ZNF639: variants seen among roughly 807,000 people sequenced by gnomAD.
The protein encoded by ZNF639 is zinc finger protein 639.
Under a neutral mutation model 39.8 loss-of-function variants are expected in ZNF639, and 20 were observed. The observed-to-expected ratio is 0.50, with a 90% CI of 0.35 to 0.73. The LOEUF (loss-of-function observed/expected upper bound fraction) is 0.73, where lower values mean the gene tolerates loss of function less well. ZNF639 is among the 30% of genes least tolerant of loss of function. The pLI is 0.00. For synonymous variants in ZNF639, 176 were observed against 189.8 expected, an observed-to-expected ratio of 0.93 and a Z score of 0.60; for missense variants, 477 against 566.2, an observed-to-expected ratio of 0.84 and a Z score of 1.60.
chr3:179,333,397 C>G lies in ZNF639; in HGVS notation c.433C>G (p.His145Asp). The G allele has an allele frequency of 6.2e-7, 1 of 1,614,108 alleles. No individual in the cohort carries two copies. Among genetic ancestry groups the G allele is most frequent in the Non-Finnish European group, 8.5e-7 (1 of 1,180,022 alleles). The change falls in exon 6 of 6, where the codon CAT becomes GAT. Residue 145 changes from histidine to aspartate, a missense_variant. Physicochemically the swap from His to Asp is moderately conservative, Grantham distance 81. Coordinates refer to ENST00000496856, the MANE Select transcript of ZNF639 (RefSeq NM_001303426.2). Reference sequence around the variant, plus strand: ...AGATGTTCCAATTGCTGTAGAAGTGCATGCGATTTCTGAGGATTATGATAT... The same window carrying G: ...AGATGTTCCAATTGCTGTAGAAGTGGATGCGATTTCTGAGGATTATGATAT... The part of the protein sequence containing the change: ...AEDVPIAVEV[H>D]AISEDYDIET...
chr3:179,328,378 G>A, intron 3 of ZNF639, 27 bp downstream of exon 3: 2 of 1,485,202 alleles, frequency 1.3e-6, no homozygotes, highest in Non-Finnish European at 1.8e-6. Context: ...TTTAAAGTTG[G>A]GTATGGATTA....
chr3:179,330,839 G>C (rs1213202968), intron 4 of ZNF639, among the ~76,000 whole-genome samples: 4 of 152,188 alleles, frequency 2.6e-5, no homozygotes, highest in African/African-American at 9.7e-5. Context: ...AGAGACATCG[G>C]TATGAATTCC....
At chr3:179,326,352 C>T (rs1727592212) in intron 1 of ZNF639, among the ~76,000 whole-genome samples, 1 of 152,068 alleles carries the variant, frequency 6.6e-6, no homozygotes, top group African/African-American at 2.4e-5. Flanking sequence ...CAGAGCAAGA[C>T]TCCGTTTCAA....
chr3:179,323,104 G>C lies in ZNF639; in HGVS notation c.-270G>C, dbSNP rs1727371496. On this transcript the variant is annotated 5_prime_UTR_variant, in exon 1 of 6. Coordinates refer to ENST00000496856, the MANE Select transcript of ZNF639 (RefSeq NM_001303426.2). ...GCGGAGCCTAGGCCAGGGGCCTGGC[G>C]CTCAGGGCGTGGGGCGCGCGGGGAG... The C allele has an allele frequency of 2.0e-6, 2 of 984,756 alleles. No homozygotes were observed. The highest frequency in any genetic ancestry group is 3.5e-5 in the African/African-American group (2 of 57,242). The allele number at this position is 984,756 out of a possible 1,614,324, so 61.0% of individuals were successfully genotyped here.
intron 5 of ZNF639, 48 bp from the exon 6 acceptor site, chr3:179,333,221 A>T (rs371698948): frequency 2.9e-4 from 445 of 1,560,212 alleles, no homozygotes; most frequent in Admixed American, 7.0e-4. Context: ...TGTATTTAAC[A>T]GATCTTATTT....
At chr3:179,323,010 C>T (rs1479916188), upstream of ZNF639, 4 of 985,162 alleles carry the variant, frequency 4.1e-6, no homozygotes, top group South Asian at 9.4e-5. Flanking sequence ...CGTCACCTCC[C>T]CGCCCTCTCG....
Position 179,334,306 on chromosome 3 carries a change from A to G in ZNF639, c.1342A>G (p.Ile448Val). 6.2e-7 allele frequency: 1 copy of G among 1,613,146 alleles called. No homozygotes were observed. Among genetic ancestry groups the G allele is most frequent in the Admixed American group, 1.7e-5 (1 of 59,922 alleles). ...YSTGQIEDLK[I>V]HLDFKHSADL... is the part of the protein sequence containing the mutation. The stretch of plus-strand genomic sequence containing the variant: ...AACAGGACAAATTGAAGATCTTAAA[A>G]TTCATCTAGATTTCAAGCATTCAGC... The change falls in exon 6 of 6, where the codon ATT (isoleucine) becomes GTT (valine). Residue 448 changes from isoleucine (I) to valine (V), a missense_variant. Physicochemically the swap from Ile to Val is conservative, Grantham distance 29. Transcript: ENST00000496856.
Position 179,337,396 on chromosome 3 carries a change from G to C in ZNF639, c.*2974G>C, listed in dbSNP as rs1711574129. 6.6e-6 allele frequency: 1 copy of C among 151,656 alleles called. No homozygotes were observed. Among genetic ancestry groups the C allele is most frequent in the African/African-American group, 2.4e-5 (1 of 41,284 alleles). The allele number at this position is 151,656 out of a possible 1,614,324, so 9.4% of individuals were successfully genotyped here. A position where few individuals can be genotyped will look rare whatever the true frequency, so the allele number is the denominator to read the frequency against. On this transcript the variant is annotated 3_prime_UTR_variant, in exon 6 of 6. Transcript: ENST00000496856. ...CTGTTGCCCAGGCTGGAGTGTAGTG[G>C]CGTGATCTTGGCTCAAGGCAACCTC...
At chr3:179,333,185 A>G (rs1426188552) in intron 5 of ZNF639, 62 bp downstream of exon 5, 5 of 1,560,630 alleles carry the variant, frequency 3.2e-6, no homozygotes, top group African/African-American at 1.4e-5. Context: ...AAAAAAGTGC[A>G]TGCAATAAAT....
At chr3:179,324,519 A>C (rs1727474362) in intron 1 of ZNF639, among the ~76,000 whole-genome samples, 1 of 152,218 alleles carries the variant, frequency 6.6e-6, no homozygotes, top group Admixed American at 6.5e-5. Context: ...AAGTTTTTTC[A>C]AGGCTGTTAT....
At chr3:179,330,292 G>C (rs1035548914) in intron 4 of ZNF639, among the ~76,000 whole-genome samples, 2 of 151,770 alleles carry the variant, frequency 1.3e-5, no homozygotes, top group African/African-American at 4.8e-5. Flanking sequence ...AGGGGGTGGG[G>C]TTAGGGGGAG....
At chr3:179,323,394 C>T (rs951541084) in intron 1 of ZNF639, 103 bp downstream of exon 1, 1 of 985,188 alleles carries the variant, frequency 1.0e-6, no homozygotes, top group African/African-American at 1.7e-5. Flanking sequence ...GAGACCGGAG[C>T]TCCCTTTATA....
In ZNF639 at chr3:179,325,879, C is replaced by T. The variant is rs149053482; in HGVS notation, c.-82-1682C>T. Among the ~76,000 whole-genome samples the T allele has an allele frequency of 2.8e-3, 415 of 149,214 alleles. 2 individuals carry two copies. The highest frequency in any genetic ancestry group is 9.7e-3 in the African/African-American group (390 of 40,282). Reference sequence around the variant, plus strand: ...CTGGGCGAAAGAGCGAGACTCTGTCCGAAAAAAAAGTAAAAATAAAATAAA... The same window carrying T: ...CTGGGCGAAAGAGCGAGACTCTGTCTGAAAAAAAAGTAAAAATAAAATAAA... On this transcript the variant is annotated intron_variant, in intron 1 of 5. Transcript: ENST00000496856.
At chr3:179,332,131 A>G (rs550015728) in intron 4 of ZNF639, among the ~76,000 whole-genome samples, 1 of 152,284 alleles carries the variant, frequency 6.6e-6, no homozygotes, top group South Asian at 2.1e-4. Context: ...TAGGTTAAAA[A>G]CTAAGGGCAT....
At chr3:179,323,453 T>C (rs1202293759) in intron 1 of ZNF639, among the ~76,000 whole-genome samples, 162 bp downstream of exon 1, 1 of 152,026 alleles carries the variant, frequency 6.6e-6, no homozygotes, top group Non-Finnish European at 1.5e-5. Flanking sequence ...CCCTCCCCCA[T>C]CCCGAAGGCA....
In ZNF639 at chr3:179,334,413, G is replaced by A; in HGVS notation, c.1449G>A (p.Glu483=). 6.5e-7 allele frequency: 1 copy of A among 1,535,304 alleles called. No homozygotes were observed. The highest frequency in any genetic ancestry group is 1.8e-4 in the Middle Eastern group (1 of 5,650). ...TAATAAGTCACCTTCCAGTCCATGA[G>A]ACAACTTGATTATTCTCTTTAACTT... ...RELISHLPVH[E]TT The change falls in exon 6 of 6, where the codon GAG becomes GAA. Residue 483 remains glutamate (E), a synonymous_variant. Coordinates refer to ENST00000496856, the MANE Select transcript of ZNF639 (RefSeq NM_001303426.2).
intron 2 of ZNF639, chr3:179,327,969 A>G (rs958537521): frequency 4.2e-5 from 8 of 192,652 alleles, no homozygotes; most frequent in Non-Finnish European, 6.4e-5. Flanking sequence ...CTTTTTTTAT[A>G]TATACACAAA....
chr3:179,323,231 G>A lies in ZNF639; in HGVS notation c.-143G>A. The A allele has an allele frequency of 1.0e-6, 1 of 985,334 alleles. No individual in the cohort carries two copies. Among genetic ancestry groups the A allele is most frequent in the Non-Finnish European group, 1.2e-6 (1 of 830,082 alleles). 61.0% of individuals were successfully genotyped at this position (985,334 alleles called of 1,614,324 possible). ...GAAGGACCGCGCGGCCCCTCCGCCT[G>A]CGCTCTCGGCCGCCGCCGCCTCTGC... On this transcript the variant is annotated 5_prime_UTR_variant, in exon 1 of 6. Transcript: ENST00000496856.
At position 179,333,949 on chromosome 3, in the gene ZNF639, C is replaced by A. The variant is rs767100640; in HGVS notation, c.985C>A (p.Pro329Thr). The change falls in exon 6 of 6, where the codon CCA becomes ACA. Residue 329 changes from proline (P) to threonine (T), a missense_variant. Transcript: ENST00000496856. Reference protein sequence around the residue: ...CQFCEHETNDPEDLHSHVVNE... With the variant: ...CQFCEHETNDTEDLHSHVVNE... ...GTTCTGTGAACATGAAACTAATGAT[C>A]CAGAAGACTTGCATAGCCATGTGGT... The A allele has an allele frequency of 2.5e-6, 4 of 1,613,902 alleles. No homozygotes were observed. The highest frequency in any genetic ancestry group is 2.7e-5 in the African/African-American group (2 of 74,878).
Sources: allele counts gnomAD v4.1 joint callset (sites outside exome capture counted in the v4.1 genomes callset), GRCh38; gene constraint gnomAD v4.1.1; transcripts MANE v1.5; gene names NCBI Gene and HGNC (gene_info 2026-07-23, HGNC 2026-07-21).